SESTD1: variants seen among roughly 807,000 people sequenced by gnomAD.
The protein encoded by SESTD1 is SEC14 and spectrin domain containing 1, also known as SEC14 domain and spectrin repeat-containing protein 1.
In SESTD1, 43 loss-of-function variants were observed where a neutral mutation model predicts 101.7. The ratio of observed to expected loss-of-function variants is 0.42; its 90% CI spans 0.33 to 0.55. The LOEUF (loss-of-function observed/expected upper bound fraction) is 0.55, where lower values mean the gene tolerates loss of function less well. Ranked by LOEUF, SESTD1 falls within the 20% of genes least tolerant of loss-of-function variation. SESTD1 has a pLI of 0.07. For synonymous variants in SESTD1, 283 were observed against 286.8 expected, an observed-to-expected ratio of 0.99 and a Z score of 0.13; for missense variants, 647 against 815.1, an observed-to-expected ratio of 0.79 and a Z score of 2.51.
At chr2:179,186,805 T>G (rs1355373639) in intron 2 of SESTD1, among the ~76,000 whole-genome samples, 1 of 151,638 alleles carries the variant, frequency 6.6e-6, no homozygotes, top group Non-Finnish European at 1.5e-5. Flanking sequence ...CAGGGATTAT[T>G]TTTACAGTTC....
At chr2:179,139,124 A>T (rs989175959) in intron 9 of SESTD1, among the ~76,000 whole-genome samples, 1 of 152,128 alleles carries the variant, frequency 6.6e-6, no homozygotes, top group Non-Finnish European at 1.5e-5. Flanking sequence ...AAAACAAATA[A>T]TATCTTCCTT....
In SESTD1 at chr2:179,244,278, G is replaced by A. The variant is rs144049050; in HGVS notation, c.-26+20221C>T. On this transcript the variant is annotated intron_variant, in intron 1 of 17. Transcript: ENST00000428443. ...TCAAAACCAGCCTGGCCAACATGGT[G>A]AAACCCCGTCTCTTACTAAAAATAC... is the stretch of plus-strand genomic sequence containing the variant. Among the ~76,000 whole-genome samples, 1,517 of 152,136 alleles carry A rather than the reference G, an allele frequency of 1.0e-2. 23 individuals carry two copies. The highest frequency in any genetic ancestry group is 0.033 in the African/African-American group (1,352 of 41,524).
intron 5 of SESTD1, among the ~76,000 whole-genome samples, chr2:179,158,006 C>T (rs2045663318): frequency 1.3e-5 from 2 of 152,002 alleles, no homozygotes; most frequent in African/African-American, 4.8e-5. Flanking sequence ...ACTAGAATAC[C>T]CCAAATGATT....
intron 10 of SESTD1, among the ~76,000 whole-genome samples, chr2:179,126,139 T>TA (rs1172075243): frequency 6.6e-6 from 1 of 152,174 alleles, no homozygotes; most frequent in Non-Finnish European, 1.5e-5. Context: ...AAACCTCAGT[T>TA]AAAAAAAATT....
At chr2:179,239,241 T>C (rs1262065279) in intron 1 of SESTD1, among the ~76,000 whole-genome samples, 1 of 152,212 alleles carries the variant, frequency 6.6e-6, no homozygotes, top group East Asian at 1.9e-4. Context: ...AGAATTTTTT[T>C]TTAAATCTTT....
At chr2:179,181,966 A>C (rs1427190237) in intron 3 of SESTD1, among the ~76,000 whole-genome samples, 4 of 147,076 alleles carry the variant, frequency 2.7e-5, no homozygotes, top group African/African-American at 1.0e-4. Context: ...AAATTTTCAC[A>C]TGAAGACCGC....
intron 3 of SESTD1, among the ~76,000 whole-genome samples, chr2:179,180,351 C>T (rs1005189588): frequency 6.6e-6 from 1 of 152,116 alleles, no homozygotes; most frequent in African/African-American, 2.4e-5. Flanking sequence ...CAATTTTGGA[C>T]ATCTCCTATT....
At chr2:179,224,668 A>T (rs936854078) in intron 1 of SESTD1, among the ~76,000 whole-genome samples, 3 of 152,154 alleles carry the variant, frequency 2.0e-5, no homozygotes, top group African/African-American at 7.2e-5. Context: ...AGAAGAGCTG[A>T]AGGTTGTGTT....
At position 179,264,820 on chromosome 2, in the gene SESTD1, G is replaced by GGGAAGGA. The variant is rs1471972648; in HGVS notation, c.-354_-348dup. 28 of 151,824 alleles carry GGGAAGGA rather than the reference G, an allele frequency of 1.8e-4. No individual in the cohort carries two copies. The highest frequency in any genetic ancestry group is 6.8e-4 in the African/African-American group (28 of 41,474). 9.4% of individuals were successfully genotyped at this position (151,824 alleles called of 1,614,324 possible). ...GGCGGTACAGCAACCCGCCCGGCGCGGGAAGGAGGAAGGAGGCGGGGCGGG... is the reference window on the plus strand; with the variant it reads ...GGCGGTACAGCAACCCGCCCGGCGCGGGAAGGAGGAAGGAGGAAGGAGGCGGGGCGGG... On this transcript the variant is annotated 5_prime_UTR_variant, in exon 1 of 18. Coordinates refer to ENST00000428443, the MANE Select transcript of SESTD1 (RefSeq NM_178123.5).
intron 8 of SESTD1, among the ~76,000 whole-genome samples, chr2:179,145,970 T>G (rs2045386144): frequency 6.6e-6 from 1 of 152,132 alleles, no homozygotes; most frequent in Non-Finnish European, 1.5e-5. Flanking sequence ...GAGAGATTAT[T>G]ATTAATTTTT....
chr2:179,146,378 T>C (rs750687941), intron 8 of SESTD1, 24 bp downstream of exon 8: 6 of 1,580,738 alleles, frequency 3.8e-6, no homozygotes, highest in Admixed American at 1.7e-5. Flanking sequence ...TGGATTATTA[T>C]CACAAATATT....
chr2:179,198,838 C>T (rs2105506198), intron 1 of SESTD1, among the ~76,000 whole-genome samples: 1 of 151,326 alleles, frequency 6.6e-6, no homozygotes, highest in Non-Finnish European at 1.5e-5. Context: ...CACTAAATGC[C>T]CACAAGAGAA....
chr2:179,195,917 T>C (rs1003923063), intron 1 of SESTD1, among the ~76,000 whole-genome samples: 3 of 151,272 alleles, frequency 2.0e-5, no homozygotes, highest in African/African-American at 7.3e-5. Context: ...TAAAATAGAA[T>C]AACTGGTTGT....
At chr2:179,115,962 C>G in intron 15 of SESTD1, among the ~76,000 whole-genome samples, 1 of 151,986 alleles carries the variant, frequency 6.6e-6, no homozygotes, top group Non-Finnish European at 1.5e-5. Flanking sequence ...AAAACGTGAA[C>G]TCATTATTAG....
intron 15 of SESTD1, 51 bp from the exon 16 acceptor site, chr2:179,115,307 A>G: frequency 7.2e-7 from 1 of 1,386,190 alleles, no homozygotes; most frequent in Non-Finnish European, 9.7e-7. Context: ...TCTTAAGAGA[A>G]GGATGGGGAA....
chr2:179,169,245 A>G (rs2045889137), intron 5 of SESTD1, among the ~76,000 whole-genome samples: 1 of 152,200 alleles, frequency 6.6e-6, no homozygotes, highest in African/African-American at 2.4e-5. Context: ...AAGTAAAAGA[A>G]TGGAAAAGAT....
intron 16 of SESTD1, among the ~76,000 whole-genome samples, chr2:179,113,966 T>TC (rs770737705): frequency 6.6e-6 from 1 of 150,888 alleles, no homozygotes; most frequent in Non-Finnish European, 1.5e-5. Flanking sequence ...TTACACAGGG[T>TC]GGGGGGAGCT....
chr2:179,185,902 A>G (rs949916888), intron 2 of SESTD1, among the ~76,000 whole-genome samples: 4 of 132,044 alleles, frequency 3.0e-5, no homozygotes, highest in Admixed American at 8.0e-5. Flanking sequence ...AATATAGTAT[A>G]TTATATACAA....
chr2:179,259,078 G>C (rs1294279134), intron 1 of SESTD1, among the ~76,000 whole-genome samples: 2 of 152,132 alleles, frequency 1.3e-5, no homozygotes, highest in African/African-American at 4.8e-5. Flanking sequence ...CAGGACTGGG[G>C]GAGTCCACCA....
Sources: allele counts gnomAD v4.1 joint callset (sites outside exome capture counted in the v4.1 genomes callset), GRCh38; gene constraint gnomAD v4.1.1; transcripts MANE v1.5; gene names NCBI Gene and HGNC (gene_info 2026-07-23, HGNC 2026-07-21).